Variants in HIBADH observed in about 807,000 individuals in gnomAD.
The protein encoded by HIBADH is 3-hydroxyisobutyrate dehydrogenase.
Under a neutral mutation model 36.1 loss-of-function variants are expected in HIBADH, and 25 were observed. The observed-to-expected ratio is 0.69, with a 90% CI of 0.50 to 0.97. The LOEUF is 0.97. HIBADH is among the 50% of genes least tolerant of loss of function. The probability of loss-of-function intolerance (pLI) is 0.00; values close to 1 mark genes in which losing one functional copy is unlikely to be tolerated. For synonymous variants in HIBADH, 160 were observed against 149.5 expected (o/e 1.07, Z -0.51); for missense variants, 421 against 418.0 (o/e 1.01, Z -0.06).
chr7:27,635,080 C>G (rs1785814814), intron 2 of HIBADH, among the ~76,000 whole-genome samples: 1 of 103,216 alleles, frequency 9.7e-6, no homozygotes, highest in African/African-American at 4.4e-5. Context: ...CTCTCTCTCT[C>G]TGTGCATGTG....
chr7:27,548,815 T>C (rs1784274151), intron 4 of HIBADH, among the ~76,000 whole-genome samples: 1 of 152,090 alleles, frequency 6.6e-6, no homozygotes. Context: ...ATGAGGGCAA[T>C]CGCCACCAAA....
At chr7:27,563,009 T>G (rs1326616801) in intron 4 of HIBADH, among the ~76,000 whole-genome samples, 2 of 152,204 alleles carry the variant, frequency 1.3e-5, no homozygotes, top group Admixed American at 1.3e-4. Flanking sequence ...CCATCATCAG[T>G]GAGGATACGA....
intron 4 of HIBADH, among the ~76,000 whole-genome samples, chr7:27,552,293 A>G (rs1460817553): frequency 6.6e-6 from 1 of 152,200 alleles, no homozygotes; most frequent in East Asian, 1.9e-4. Flanking sequence ...CTGGTTTAAC[A>G]TAAGCCAGCA....
chr7:27,587,714 C>A (rs934120874), intron 4 of HIBADH, among the ~76,000 whole-genome samples: 1 of 152,102 alleles, frequency 6.6e-6, no homozygotes, highest in African/African-American at 2.4e-5. Context: ...TCATTTTAAC[C>A]CATCAGTGAT....
chr7:27,647,410 AGAAAGT>A, intron 2 of HIBADH, among the ~76,000 whole-genome samples: 1 of 152,250 alleles, frequency 6.6e-6, no homozygotes, highest in Non-Finnish European at 1.5e-5. Context: ...CTGAAATCGT[AGAAAGT>A]GAAACTGCAG....
intron 2 of HIBADH, among the ~76,000 whole-genome samples, chr7:27,639,526 C>G (rs1463003524): frequency 2.0e-5 from 3 of 152,024 alleles, no homozygotes; most frequent in Non-Finnish European, 4.4e-5. Context: ...AATCTGTACA[C>G]CAAACTCCTG....
intron 4 of HIBADH, among the ~76,000 whole-genome samples, chr7:27,558,728 G>A (rs1350776613): frequency 6.6e-6 from 1 of 152,066 alleles, no homozygotes; most frequent in African/African-American, 2.4e-5. Context: ...CAAAACACAA[G>A]CATTTAGTCT....
intron 4 of HIBADH, among the ~76,000 whole-genome samples, chr7:27,552,981 C>G (rs1270122281): frequency 6.6e-6 from 1 of 152,148 alleles, no homozygotes; most frequent in Non-Finnish European, 1.5e-5. Flanking sequence ...AAGGGACATG[C>G]ATCTATCTCT....
intron 4 of HIBADH, among the ~76,000 whole-genome samples, chr7:27,560,731 G>C (rs1784452151): frequency 6.6e-6 from 1 of 152,110 alleles, no homozygotes; most frequent in Non-Finnish European, 1.5e-5. Context: ...TTTATCCACT[G>C]ATGGACATTT....
intron 7 of HIBADH, 126 bp downstream of exon 7, chr7:27,531,066 G>C (rs1783990616): frequency 2.3e-6 from 2 of 879,658 alleles, no homozygotes; most frequent in South Asian, 1.9e-5. Flanking sequence ...TTTTCAGTGA[G>C]AGTGAATATT....
intron 2 of HIBADH, among the ~76,000 whole-genome samples, chr7:27,646,616 C>G (rs1051679914): frequency 2.6e-5 from 4 of 151,668 alleles, no homozygotes; most frequent in Non-Finnish European, 4.4e-5. Context: ...CCTCAACCTC[C>G]TAGGCTCAAG....
At chr7:27,571,349 A>G (rs185065564) in intron 4 of HIBADH, among the ~76,000 whole-genome samples, 2 of 152,088 alleles carry the variant, frequency 1.3e-5, no homozygotes, top group East Asian at 3.9e-4. Context: ...CAGACTCCCG[A>G]GTAGCTGGGA....
chr7:27,582,469 T>A (rs1784807987), intron 4 of HIBADH, among the ~76,000 whole-genome samples: 1 of 152,128 alleles, frequency 6.6e-6, no homozygotes, highest in Non-Finnish European at 1.5e-5. Flanking sequence ...TAAGGGATTG[T>A]GGGACTATGG....
At chr7:27,656,577 A>G (rs930412493) in intron 1 of HIBADH, among the ~76,000 whole-genome samples, 1 of 152,196 alleles carries the variant, frequency 6.6e-6, no homozygotes, top group Non-Finnish European at 1.5e-5. Context: ...GAGAAGAAAA[A>G]ATGATACATA....
At chr7:27,631,272 G>C (rs1459487041) in intron 3 of HIBADH, among the ~76,000 whole-genome samples, 1 of 152,160 alleles carries the variant, frequency 6.6e-6, no homozygotes, top group East Asian at 1.9e-4. Flanking sequence ...GTGGCCCTGA[G>C]AGCTCCATCC....
At chr7:27,554,821 A>C (rs1784367372) in intron 4 of HIBADH, among the ~76,000 whole-genome samples, 1 of 152,212 alleles carries the variant, frequency 6.6e-6, no homozygotes, top group Admixed American at 6.5e-5. Context: ...ACCAGGAATT[A>C]TCTCTTTCAT....
At chr7:27,551,474 C>T (rs12700817) in intron 4 of HIBADH, among the ~76,000 whole-genome samples, 115,940 of 152,092 alleles carry the variant, frequency 0.76, 44,681 homozygotes, top group East Asian at 0.94. Flanking sequence ...CAAGTAAATT[C>T]ATTCAGCTTA....
chr7:27,655,475 A>G (rs1786282075), intron 1 of HIBADH, among the ~76,000 whole-genome samples: 1 of 152,214 alleles, frequency 6.6e-6, no homozygotes, highest in African/African-American at 2.4e-5. Flanking sequence ...ACTTGTTTCT[A>G]AGGAAAGAGT....
chr7:27,588,078 T>C (rs1784889182), intron 4 of HIBADH, among the ~76,000 whole-genome samples: 1 of 152,240 alleles, frequency 6.6e-6, no homozygotes, highest in Non-Finnish European at 1.5e-5. Context: ...ATGTTTCTAA[T>C]GCACAAATCT....
Sources: allele counts gnomAD v4.1 joint callset (sites outside exome capture counted in the v4.1 genomes callset), GRCh38; gene constraint gnomAD v4.1.1; transcripts MANE v1.5; gene names NCBI Gene and HGNC (gene_info 2026-07-23, HGNC 2026-07-21).